The following SMIM36 variants were observed in gnomAD, a reference collection of about 807,000 sequenced individuals.
The protein encoded by SMIM36 is small integral membrane protein 36.
At chr17:55,500,746 T>A (rs1909896491) in intron 1 of SMIM36, among the ~76,000 whole-genome samples, 1 of 129,794 alleles carries the variant, frequency 7.7e-6, no homozygotes, top group Non-Finnish European at 1.6e-5. Flanking sequence ...CATTTAAAAG[T>A]ATTTCACTTA....
chr17:55,473,278 C>T (rs1567865003), intron 3 of SMIM36, among the ~76,000 whole-genome samples: 1 of 152,164 alleles, frequency 6.6e-6, no homozygotes, highest in Non-Finnish European at 1.5e-5. Flanking sequence ...TTTCTCAGGC[C>T]TTGTCCTTTT....
chr17:55,508,888 A>C (rs962792718), intron 1 of SMIM36, among the ~76,000 whole-genome samples: 15 of 146,294 alleles, frequency 1.0e-4, no homozygotes, highest in African/African-American at 3.8e-4. Context: ...GTGCCATTGC[A>C]CTTCAGCCTG....
chr17:55,507,782 T>G, intron 1 of SMIM36, among the ~76,000 whole-genome samples: 1 of 151,508 alleles, frequency 6.6e-6, no homozygotes, highest in Non-Finnish European at 1.5e-5. Flanking sequence ...GCTTTGCGCA[T>G]GCGCACTTTA....
At chr17:55,501,455 T>TA in intron 1 of SMIM36, among the ~76,000 whole-genome samples, 1 of 79,094 alleles carries the variant, frequency 1.3e-5, no homozygotes, top group African/African-American at 6.5e-5. Context: ...ATATAATATA[T>TA]TATTATATAT....
At chr17:55,515,083 AGT>A (rs200203841), upstream of SMIM36, among the ~76,000 whole-genome samples, 17,650 of 55,134 alleles carry the variant, frequency 0.32, 4,894 homozygotes, top group Middle Eastern at 0.45. Context: ...ATTCTAGTCT[AGT>A]GTTTTTTTTT....
chr17:55,492,250 T>C (rs112714880), intron 1 of SMIM36, among the ~76,000 whole-genome samples: 1 of 101,976 alleles, frequency 9.8e-6, no homozygotes, highest in African/African-American at 5.0e-5. Flanking sequence ...TTCTTTTTTT[T>C]TTTTTTTTTT....
chr17:55,520,324 A>T, the SMIM36 span, among the ~76,000 whole-genome samples: 2 of 152,146 alleles, frequency 1.3e-5, no homozygotes, highest in Non-Finnish European at 2.9e-5. Context: ...TCACAATTTC[A>T]TGGATAGAAA....
At chr17:55,470,155 T>A (rs1195039677) in intron 3 of SMIM36, among the ~76,000 whole-genome samples, 1 of 152,122 alleles carries the variant, frequency 6.6e-6, no homozygotes, top group East Asian at 1.9e-4. Flanking sequence ...TCTGTGCAGG[T>A]CCCCACTGGA....
At chr17:55,458,556 C>G (rs1598446697) in intron 4 of SMIM36, 2 of 151,280 alleles carry the variant, frequency 1.3e-5, no homozygotes, top group East Asian at 2.0e-4. Flanking sequence ...CTATAATAAC[C>G]GTTCTCCACC....
chr17:55,466,277 CAAAAAAAAAAAAA>C (rs796506078), intron 4 of SMIM36, among the ~76,000 whole-genome samples: 2 of 46,882 alleles, frequency 4.3e-5, no homozygotes, highest in Non-Finnish European at 8.0e-5. Flanking sequence ...GACTCCGTCT[CAAAAAAAAAAAAA>C]AAAAAAAAAA....
chr17:55,516,477 C>A, the SMIM36 span, among the ~76,000 whole-genome samples: 1 of 149,978 alleles, frequency 6.7e-6, no homozygotes, highest in African/African-American at 2.5e-5. Context: ...CTTTGTGTAT[C>A]AAGAGACCAA....
intron 1 of SMIM36, among the ~76,000 whole-genome samples, chr17:55,498,659 AT>A (rs933676292): frequency 6.6e-6 from 1 of 151,470 alleles, no homozygotes; most frequent in Non-Finnish European, 1.5e-5. Flanking sequence ...GGTATATATC[AT>A]TTTTTTAGTT....
chr17:55,511,837 CAAG>C (rs1346521815), upstream of SMIM36, among the ~76,000 whole-genome samples: 1 of 152,140 alleles, frequency 6.6e-6, no homozygotes. Context: ...GATTCTTCAA[CAAG>C]AAGAAGATAC....
chr17:55,523,541 A>AAC, the SMIM36 span, among the ~76,000 whole-genome samples: 1 of 151,872 alleles, frequency 6.6e-6, no homozygotes, highest in African/African-American at 2.4e-5. Context: ...AAAAAAAAAA[A>AAC]AAAAAAACAT....
intron 3 of SMIM36, among the ~76,000 whole-genome samples, chr17:55,468,718 T>C (rs567842897): frequency 6.6e-6 from 1 of 152,268 alleles, no homozygotes; most frequent in East Asian, 1.9e-4. Flanking sequence ...ACCTCCTTAC[T>C]ATGGGCAAAC....
chr17:55,501,029 A>ATAG (rs1909926475), intron 1 of SMIM36, among the ~76,000 whole-genome samples: 1 of 55,894 alleles, frequency 1.8e-5, no homozygotes, highest in African/African-American at 1.2e-4. Context: ...GTAATATATA[A>ATAG]TATATTATTA....
At chr17:55,471,848 C>T (rs1909345429) in intron 3 of SMIM36, among the ~76,000 whole-genome samples, 1 of 152,190 alleles carries the variant, frequency 6.6e-6, no homozygotes, top group Admixed American at 6.5e-5. Flanking sequence ...CTGGGCTGGC[C>T]TCTGTGTCTG....
intron 4 of SMIM36, among the ~76,000 whole-genome samples, chr17:55,462,892 TAGAA>T (rs911565431): frequency 4.6e-5 from 7 of 152,270 alleles, no homozygotes; most frequent in African/African-American, 1.7e-4. Context: ...TGAGGAATGA[TAGAA>T]GACTCCTCCC....
At chr17:55,527,538 C>G in the SMIM36 span, among the ~76,000 whole-genome samples, 1 of 152,188 alleles carries the variant, frequency 6.6e-6, no homozygotes, top group Non-Finnish European at 1.5e-5. Context: ...TTATTGTCAA[C>G]TAAAGTGACC....
Sources: allele counts gnomAD v4.1 joint callset (sites outside exome capture counted in the v4.1 genomes callset), GRCh38; gene constraint gnomAD v4.1.1; transcripts MANE v1.5; gene names NCBI Gene and HGNC (gene_info 2026-07-23, HGNC 2026-07-21).